The following CFH variants were observed in gnomAD, a reference collection of about 807,000 sequenced individuals.
The protein encoded by CFH is complement factor H.
CFH carries 53 observed loss-of-function variants against 147.3 expected under a neutral mutation model. The ratio of observed to expected loss-of-function variants is 0.36; its 90% CI spans 0.29 to 0.45. CFH has a LOEUF of 0.45. Among genes scored for constraint, CFH ranks in the 20% least tolerant of loss-of-function variants. The pLI is 1.00. For missense variants in CFH, 1,380 were observed against 1,498.0 expected, an observed-to-expected ratio of 0.92 and a Z score of 1.30; for synonymous variants, 536 against 489.4, an observed-to-expected ratio of 1.10 and a Z score of -1.26.
Position 196,740,639 on chromosome 1 carries a change from C to T in CFH, c.2803C>T (p.Pro935Ser), listed in dbSNP as rs753727673. ...QCEGLPCKSP[P>S]EISHGVVAHM... ...TTTAGGCCTTCCTTGTAAATCTCCACCTGAGATTTCTCATGGTGTTGTAGC... is the reference window on the plus strand; with the variant it reads ...TTTAGGCCTTCCTTGTAAATCTCCATCTGAGATTTCTCATGGTGTTGTAGC... Residue 935 changes from proline (P) to serine (S), a missense_variant, in exon 18 of 22, where the codon CCT becomes TCT. Around this residue, in one of 4 missense-constraint regions of CFH, gnomAD observed 830 missense variants for 821.4 expected, o/e 1.01. Coordinates refer to ENST00000367429, the MANE Select transcript of CFH (RefSeq NM_000186.4). The T allele has an allele frequency of 1.9e-6, 3 of 1,613,536 alleles. No homozygotes were observed. The highest frequency in any genetic ancestry group is 1.7e-5 in the Admixed American group (1 of 59,960).
chr1:196,695,508 A>G (rs74193853), intron 9 of CFH, among the ~76,000 whole-genome samples: 1 of 152,116 alleles, frequency 6.6e-6, no homozygotes, highest in African/African-American at 2.4e-5. Context: ...TTGGTTTCAT[A>G]TGAAATTTAA....
chr1:196,656,101 C>T (rs1458366172), intron 1 of CFH, among the ~76,000 whole-genome samples: 15 of 151,930 alleles, frequency 9.9e-5, no homozygotes, highest in African/African-American at 3.4e-4. Flanking sequence ...GTCAGGAGTT[C>T]GAGACCAGCC....
At chr1:196,668,149 T>C (rs1486454784) in intron 1 of CFH, among the ~76,000 whole-genome samples, 1 of 152,134 alleles carries the variant, frequency 6.6e-6, no homozygotes, top group Non-Finnish European at 1.5e-5. Flanking sequence ...TTTATTTTCT[T>C]CAGTTCTGCT....
At chr1:196,698,168 G>C (rs928713848) in intron 9 of CFH, among the ~76,000 whole-genome samples, 21 of 151,956 alleles carry the variant, frequency 1.4e-4, no homozygotes, top group Admixed American at 1.4e-3. Context: ...AATAAAAAAA[G>C]AATTAGAGAA....
At chr1:196,656,686 G>GTTTTTTTTT (rs563378238) in intron 1 of CFH, among the ~76,000 whole-genome samples, 8 of 132,528 alleles carry the variant, frequency 6.0e-5, no homozygotes, top group Non-Finnish European at 6.4e-5. Context: ...TGTGTGTTGC[G>GTTTTTTTTT]TTTTTTTTTT....
chr1:196,690,332 A>G (rs1349509868), intron 9 of CFH, 93 bp downstream of exon 9: 1 of 1,559,118 alleles, frequency 6.4e-7, no homozygotes, highest in Admixed American at 1.7e-5. Flanking sequence ...TTGTGGCAAA[A>G]TGTTTATGTC....
chr1:196,719,293 C>T (rs1365873972), intron 11 of CFH, among the ~76,000 whole-genome samples: 1 of 151,814 alleles, frequency 6.6e-6, no homozygotes, highest in Non-Finnish European at 1.5e-5. Flanking sequence ...TAATGCTTTT[C>T]ACAATATTAC....
Position 196,742,058 on chromosome 1 carries a change from T to A in CFH, c.3133+7T>A. On this transcript the variant is annotated splice_region_variant and intron_variant, in intron 19 of 21. Transcript: ENST00000367429. ...GGAAGGCCAACATGCAGAGGTACTT[T>A]GGTGAATTTTCAAAATTTATTTATA... is the stretch of plus-strand genomic sequence containing the variant. 1 of 1,613,842 alleles carries A rather than the reference T, an allele frequency of 6.2e-7. No individual in the cohort carries two copies. The highest frequency in any genetic ancestry group is 8.5e-7 in the Non-Finnish European group (1 of 1,179,802).
rs34940854 is a variant in CFH, at chr1:196,677,525, T to C, written c.477T>C (p.Ser159=). The change falls in exon 5 of 22, where the codon AGT becomes AGC. Residue 159 remains serine (S), a synonymous_variant. Transcript: ENST00000367429. ...CACCAGAGAATGGAAAAATTGTCAG[T>C]AGTGCAATGGAACCAGATCGGGAAT... is the stretch of plus-strand genomic sequence containing the variant. ...VTAPENGKIV[S]SAMEPDREYH... 4,339 of 1,613,106 alleles carry C rather than the reference T, an allele frequency of 2.7e-3. 119 individuals carry two copies. In the African/African-American group the frequency reaches 0.051, roughly 19 times the overall value.
chr1:196,689,014 T>C (rs1667930412), intron 7 of CFH, among the ~76,000 whole-genome samples: 2 of 124,052 alleles, frequency 1.6e-5, no homozygotes, highest in Non-Finnish European at 3.4e-5. Flanking sequence ...TGTTTACTGA[T>C]GAGAATAGAA....
chr1:196,704,398 G>C (rs1018524325), intron 9 of CFH, among the ~76,000 whole-genome samples: 1 of 152,118 alleles, frequency 6.6e-6, no homozygotes, highest in East Asian at 1.9e-4. Flanking sequence ...CACTGCTCCC[G>C]TCCTGTTAGG....
At chr1:196,711,204 C>T (rs961614405) in intron 9 of CFH, among the ~76,000 whole-genome samples, 1 of 151,820 alleles carries the variant, frequency 6.6e-6, no homozygotes, top group Non-Finnish European at 1.5e-5. Flanking sequence ...TGTAGTATTT[C>T]TTCTGCTTAC....
At chr1:196,684,525 C>T (rs928332597) in intron 6 of CFH, among the ~76,000 whole-genome samples, 3 of 151,768 alleles carry the variant, frequency 2.0e-5, no homozygotes, top group Non-Finnish European at 4.4e-5. Flanking sequence ...CTTCTTTAAT[C>T]GCGGTATCTT....
At chr1:196,710,763 A>G (rs1668706799) in intron 9 of CFH, among the ~76,000 whole-genome samples, 1 of 137,724 alleles carries the variant, frequency 7.3e-6, no homozygotes, top group Admixed American at 7.6e-5. Flanking sequence ...TAGTAAGATC[A>G]TACAGTCTTA....
intron 9 of CFH, among the ~76,000 whole-genome samples, chr1:196,690,803 C>T (rs1225607582): frequency 2.0e-5 from 3 of 152,116 alleles, no homozygotes; most frequent in Non-Finnish European, 2.9e-5. Context: ...ACATAATATG[C>T]CAGGAAGCTG....
chr1:196,666,130 G>A (rs1026526898), intron 1 of CFH, among the ~76,000 whole-genome samples: 1 of 152,254 alleles, frequency 6.6e-6, no homozygotes, highest in South Asian at 2.1e-4. Flanking sequence ...TGCTGATGAA[G>A]GATGAAAGTT....
At chr1:196,701,459 T>G in intron 9 of CFH, 1 of 1,388,946 alleles carries the variant, frequency 7.2e-7, no homozygotes, top group Non-Finnish European at 1.0e-6. Flanking sequence ...ATCTGTTTTG[T>G]TATGTGTGTA....
In CFH at chr1:196,673,006, T is replaced by A; in HGVS notation, c.87T>A (p.Asn29Lys). 6.2e-7 allele frequency: 1 copy of A among 1,613,970 alleles called. No individual in the cohort carries two copies. Among genetic ancestry groups the A allele is most frequent in the East Asian group, 2.2e-5 (1 of 44,844 alleles). ...GCAATGAACTTCCTCCAAGAAGAAA[T>A]ACAGAAATTCTGACAGGTTCCTGGT... Reference protein sequence around the residue: ...EDCNELPPRRNTEILTGSWSD... With the variant: ...EDCNELPPRRKTEILTGSWSD... The change falls in exon 2 of 22, where the codon AAT becomes AAA. Residue 29 changes from asparagine to lysine, a missense_variant. By Grantham distance (94) the Asn-to-Lys change is moderately conservative (BLOSUM62 0). Coordinates refer to ENST00000367429, the MANE Select transcript of CFH (RefSeq NM_000186.4).
At chr1:196,731,431 G>A (rs111295884) in intron 15 of CFH, among the ~76,000 whole-genome samples, 122 of 151,928 alleles carry the variant, frequency 8.0e-4, no homozygotes, top group African/African-American at 2.8e-3. Flanking sequence ...TTGATCACAT[G>A]CTTTGCATCT....
Sources: allele counts gnomAD v4.1 joint callset (sites outside exome capture counted in the v4.1 genomes callset), GRCh38; gene constraint gnomAD v4.1.1; regional missense constraint gnomAD v4.1.1; transcripts MANE v1.5; gene names NCBI Gene and HGNC (gene_info 2026-07-23, HGNC 2026-07-21).